Variants in PRKN observed in about 807,000 individuals in gnomAD.
The protein encoded by PRKN is parkin RBR E3 ubiquitin protein ligase, also known as E3 ubiquitin-protein ligase parkin.
In PRKN, 56 loss-of-function variants were observed where a neutral mutation model predicts 59.5. The ratio of observed to expected loss-of-function variants is 0.94; its 90% CI spans 0.76 to 1.18. The LOEUF (loss-of-function observed/expected upper bound fraction) is 1.18. PRKN is among the 50% of genes most tolerant of loss of function. The pLI is 0.00. For synonymous variants in PRKN, 250 were observed against 222.1 expected (o/e 1.13, Z -1.12); for missense variants, 657 against 596.4 (o/e 1.10, Z -1.06).
At chr6:162,289,314 G>A (rs867091522) in intron 2 of PRKN, among the ~76,000 whole-genome samples, 2 of 152,074 alleles carry the variant, frequency 1.3e-5, no homozygotes, top group Non-Finnish European at 2.9e-5. Flanking sequence ...ATTGGATTAA[G>A]GCCCAGCCTA....
chr6:161,764,389 T>C (rs1325115264), intron 7 of PRKN, among the ~76,000 whole-genome samples: 1 of 152,194 alleles, frequency 6.6e-6, no homozygotes, highest in Non-Finnish European at 1.5e-5. Flanking sequence ...TGGATTTGCT[T>C]TATCTGACAT....
intron 4 of PRKN, among the ~76,000 whole-genome samples, chr6:162,145,765 G>A (rs1055060311): frequency 6.6e-6 from 1 of 152,132 alleles, no homozygotes; most frequent in Non-Finnish European, 1.5e-5. Flanking sequence ...CAGCTTGGCT[G>A]CAGAAAGCAA....
chr6:162,438,128 C>T (rs1490200649), intron 2 of PRKN, among the ~76,000 whole-genome samples: 2 of 152,100 alleles, frequency 1.3e-5, no homozygotes, highest in Non-Finnish European at 2.9e-5. Flanking sequence ...CCTACTTTAC[C>T]TATTACTCTA....
chr6:161,957,520 G>A (rs929797340), intron 6 of PRKN, among the ~76,000 whole-genome samples: 3 of 150,988 alleles, frequency 2.0e-5, no homozygotes, highest in Admixed American at 6.6e-5. Context: ...CACCTCCTGC[G>A]TTCAAGCGAT....
intron 1 of PRKN, among the ~76,000 whole-genome samples, chr6:162,529,520 C>G (rs2846495): frequency 0.35 from 53,173 of 151,878 alleles, 11,099 homozygotes; most frequent in Middle Eastern, 0.51. Flanking sequence ...CTGTGTTCTG[C>G]AGCAGGCAGG....
intron 4 of PRKN, among the ~76,000 whole-genome samples, chr6:162,068,267 T>C (rs1372912214): frequency 2.8e-5 from 1 of 35,424 alleles, no homozygotes; most frequent in South Asian, 9.2e-4. Context: ...TATCGACAGG[T>C]TTTTCCAGGT....
At chr6:162,688,971 C>G (rs1367822336) in intron 1 of PRKN, among the ~76,000 whole-genome samples, 3 of 152,120 alleles carry the variant, frequency 2.0e-5, no homozygotes, top group African/African-American at 7.2e-5. Context: ...ATAGGAGAGA[C>G]AGTTATTTAT....
At chr6:162,692,574 C>CA (rs1182474790) in intron 1 of PRKN, among the ~76,000 whole-genome samples, 3 of 151,230 alleles carry the variant, frequency 2.0e-5, no homozygotes, top group Non-Finnish European at 3.0e-5. Flanking sequence ...AGACAGACCC[C>CA]CCCCAACAAA....
intron 7 of PRKN, among the ~76,000 whole-genome samples, chr6:161,693,133 G>C (rs1438148602): frequency 2.0e-5 from 3 of 151,756 alleles, no homozygotes; most frequent in Non-Finnish European, 4.4e-5. Flanking sequence ...ATAAAAAGGA[G>C]ATAATTTAAA....
At chr6:162,545,245 G>A (rs576273497) in intron 1 of PRKN, among the ~76,000 whole-genome samples, 2 of 152,088 alleles carry the variant, frequency 1.3e-5, no homozygotes, top group East Asian at 2.0e-4. Context: ...CCAAGATCAC[G>A]CCACTGCACT....
chr6:161,764,475 C>A (rs1789342148), intron 7 of PRKN, among the ~76,000 whole-genome samples: 1 of 152,162 alleles, frequency 6.6e-6, no homozygotes, highest in South Asian at 2.1e-4. Context: ...CAAATTATAT[C>A]ATTCAACAGG....
At chr6:162,113,884 T>G (rs1780551367) in intron 4 of PRKN, among the ~76,000 whole-genome samples, 1 of 152,114 alleles carries the variant, frequency 6.6e-6, no homozygotes, top group South Asian at 2.1e-4. Context: ...CTTGAATTGA[T>G]TTTTGTATAA....
chr6:162,364,611 C>T (rs1785323194), intron 2 of PRKN, among the ~76,000 whole-genome samples: 1 of 152,178 alleles, frequency 6.6e-6, no homozygotes. Flanking sequence ...CGCTCGGTGC[C>T]TTATCTTGCA....
At chr6:162,354,116 C>T (rs1370144550) in intron 2 of PRKN, among the ~76,000 whole-genome samples, 1 of 152,080 alleles carries the variant, frequency 6.6e-6, no homozygotes, top group Admixed American at 6.6e-5. Context: ...GGAAATTTGC[C>T]TCTGCAATGT....
chr6:161,349,983 A>AGT lies in PRKN; in HGVS notation c.*114_*115dup, dbSNP rs575581029. 482 of 742,518 alleles carry AGT rather than the reference A, an allele frequency of 6.5e-4. 5 individuals are homozygous for AGT. In the South Asian group the frequency reaches 6.6e-3, roughly 10 times the overall value. The allele number at this position is 742,518 out of a possible 1,614,324, so 46.0% of individuals were successfully genotyped here. ...GTTGGACTTTGAAAAAAACTTGAAG[A>AGT]GTGTGTGTGCGCGCGCGCGCGTGTG... On this transcript the variant is annotated 3_prime_UTR_variant, in exon 12 of 12. Transcript: ENST00000366898. The surrounding 1 kb of genome is among the most constrained non-coding windows in gnomAD (Gnocchi z 5.5).
chr6:162,019,584 C>T (rs913479636), intron 5 of PRKN, among the ~76,000 whole-genome samples: 7 of 152,144 alleles, frequency 4.6e-5, no homozygotes, highest in African/African-American at 1.4e-4. Context: ...GTGACAGGAC[C>T]CAGCTGAAGA....
At chr6:162,308,189 ACGTTTTATTTCCTGAT>A (rs1308204321) in intron 2 of PRKN, among the ~76,000 whole-genome samples, 1 of 150,866 alleles carries the variant, frequency 6.6e-6, no homozygotes. Flanking sequence ...TTTCAAATCC[ACGTTTTATTTCCTGAT>A]CGATGAAATG....
At chr6:162,562,013 G>C (rs374641143) in intron 1 of PRKN, among the ~76,000 whole-genome samples, 1 of 152,160 alleles carries the variant, frequency 6.6e-6, no homozygotes, top group Non-Finnish European at 1.5e-5. Flanking sequence ...AGGCTGCACA[G>C]TTCTCAGCTC....
At chr6:162,571,874 C>G (rs988093193) in intron 1 of PRKN, among the ~76,000 whole-genome samples, 1 of 152,102 alleles carries the variant, frequency 6.6e-6, no homozygotes, top group African/African-American at 2.4e-5. Context: ...TATTAAACCA[C>G]AAATGTGAGA....
Sources: gnomAD v4.1 joint callset for allele counts (sites outside exome capture counted in the v4.1 genomes callset) on GRCh38, gnomAD v4.1.1 for gene constraint, Gnocchi (gnomAD v3.1) non-coding constraint, MANE v1.5 for transcripts, NCBI Gene and HGNC (gene_info 2026-07-23, HGNC 2026-07-21) for gene names.